The following TRAPPC10 variants were observed in gnomAD, a reference collection of about 807,000 sequenced individuals.
TRAPPC10 encodes the protein trafficking protein particle complex subunit 10.
Under a neutral mutation model 125.5 loss-of-function variants are expected in TRAPPC10, and 23 were observed. The ratio of observed to expected loss-of-function variants is 0.18; its 90% CI spans 0.13 to 0.26. The LOEUF (loss-of-function observed/expected upper bound fraction) is 0.26. TRAPPC10 is among the 10% of genes least tolerant of loss of function. The probability of loss-of-function intolerance (pLI) is 1.00; values close to 1 mark genes in which losing one functional copy is unlikely to be tolerated. For missense variants in TRAPPC10, 1,123 were observed against 1,308.4 expected, an observed-to-expected ratio of 0.86 and a Z score of 2.19; for synonymous variants, 509 against 518.0, an observed-to-expected ratio of 0.98 and a Z score of 0.24.
chr21:44,093,134 T>C lies in TRAPPC10; in HGVS notation c.2998-929T>C, dbSNP rs184454482. On this transcript the variant is annotated intron_variant, in intron 19 of 22. Coordinates refer to ENST00000291574, the MANE Select transcript of TRAPPC10 (RefSeq NM_003274.5). ...TTAATTAATTGATGATATATTCCCC[T>C]GTTTTGGAGCTGCATGGGATATGCT... Among the ~76,000 whole-genome samples, 9 of 152,314 alleles carry C rather than the reference T, an allele frequency of 5.9e-5. No individual in the cohort carries two copies. The East Asian group carries it at 1.7e-3, about 29-fold the overall frequency.
chr21:44,087,747 C>T lies in TRAPPC10; in HGVS notation c.2588C>T (p.Thr863Met), dbSNP rs369685888. The T allele has an allele frequency of 1.2e-5, 19 of 1,614,046 alleles. No homozygotes were observed. The highest frequency in any genetic ancestry group is 4.0e-5 in the African/African-American group (3 of 74,934). The change falls in exon 17 of 23, where the codon ACG becomes ATG. Residue 863 changes from threonine to methionine, a missense_variant. By Grantham distance (81) the Thr-to-Met change is moderately conservative. Coordinates refer to ENST00000291574, the MANE Select transcript of TRAPPC10 (RefSeq NM_003274.5). This position sits in a 1 kb window ranked among gnomAD's most constrained non-coding sequence, Gnocchi z 4.6. ...ALRIQSSDKV[T>M]SISLPVAPAY... Reference sequence around the variant, plus strand: ...CGGATTCAGTCCTCCGACAAGGTCACGAGCATCAGTCTGCCTGTTGCGCCT... The same window carrying T: ...CGGATTCAGTCCTCCGACAAGGTCATGAGCATCAGTCTGCCTGTTGCGCCT...
chr21:44,012,521 C>G lies in TRAPPC10; in HGVS notation c.28C>G (p.Pro10Ala), dbSNP rs768752595. MDASEEPLP[P>A]VIYTMENKPI... ...GGACGCCTCTGAGGAGCCGCTGCCGCCGGTGATCTACACCATGGAGAACAA... is the reference window on the plus strand; with the variant it reads ...GGACGCCTCTGAGGAGCCGCTGCCGGCGGTGATCTACACCATGGAGAACAA... Residue 10 changes from proline (P) to alanine (A), a missense_variant, in exon 1 of 23, where the codon CCG (proline) becomes GCG (alanine). By Grantham distance (27) the Pro-to-Ala change is conservative. This residue lies in a region of TRAPPC10 where 177 missense variants were observed against 228.9 expected (regional missense o/e 0.77). Transcript: ENST00000291574. 8.7e-5 allele frequency: 132 copies of G among 1,515,492 alleles called. 3 individuals carry two copies. The South Asian group carries it at 1.5e-3, about 18-fold the overall frequency. 93.9% of individuals were successfully genotyped at this position (1,515,492 alleles called of 1,614,324 possible). A position where few individuals can be genotyped will look rare whatever the true frequency, so the allele number is the denominator to read the frequency against.
chr21:44,085,542 A>G (rs2038066151), intron 15 of TRAPPC10, among the ~76,000 whole-genome samples: 1 of 152,038 alleles, frequency 6.6e-6, no homozygotes. Flanking sequence ...AATGAAGTAA[A>G]TTAGCTGGGT....
chr21:44,033,295 G>A (rs1200065768), intron 2 of TRAPPC10, among the ~76,000 whole-genome samples: 1 of 152,172 alleles, frequency 6.6e-6, no homozygotes, highest in East Asian at 1.9e-4. Flanking sequence ...GGATTAAGGT[G>A]GCTTTCTGGA....
At chr21:44,018,991 C>T (rs936184031) in intron 1 of TRAPPC10, among the ~76,000 whole-genome samples, 1 of 152,170 alleles carries the variant, frequency 6.6e-6, no homozygotes, top group Non-Finnish European at 1.5e-5. Flanking sequence ...CCCTCCCACC[C>T]CCGTGCTCCA....
chr21:44,051,067 C>T (rs867727032), intron 3 of TRAPPC10, among the ~76,000 whole-genome samples: 1 of 152,204 alleles, frequency 6.6e-6, no homozygotes, highest in Non-Finnish European at 1.5e-5. Context: ...CCATGCCCGG[C>T]TAATCTTTCC....
intron 12 of TRAPPC10, 70 bp downstream of exon 12, chr21:44,079,774 A>G (rs187249977): frequency 3.3e-5 from 50 of 1,514,228 alleles, no homozygotes; most frequent in East Asian, 4.7e-5. Flanking sequence ...CCCACAATCA[A>G]TGTTTCATTC....
chr21:44,025,358 G>A (rs1313280425), intron 1 of TRAPPC10, among the ~76,000 whole-genome samples: 1 of 152,242 alleles, frequency 6.6e-6, no homozygotes, highest in Non-Finnish European at 1.5e-5. Context: ...AGGCATTGGG[G>A]TGCCAGGAAC....
At chr21:44,085,563 G>A (rs943540310) in intron 15 of TRAPPC10, among the ~76,000 whole-genome samples, 6 of 152,086 alleles carry the variant, frequency 3.9e-5, no homozygotes, top group African/African-American at 9.7e-5. Context: ...GTAGTCGTGC[G>A]CCACGGCCTC....
intron 3 of TRAPPC10, among the ~76,000 whole-genome samples, chr21:44,043,749 G>A (rs2034579644): frequency 6.6e-6 from 1 of 152,204 alleles, no homozygotes; most frequent in African/African-American, 2.4e-5. Context: ...AAGCAACACT[G>A]TGATACTTGA....
At chr21:44,080,595 T>C (rs2037628309) in intron 13 of TRAPPC10, among the ~76,000 whole-genome samples, 1 of 151,996 alleles carries the variant, frequency 6.6e-6, no homozygotes, top group African/African-American at 2.4e-5. Context: ...TGTAGTGCAA[T>C]GGTGCCATCT....
rs1050850864 is a variant in TRAPPC10 at position 44,023,217 on chromosome 21, A to G, written c.68-8874A>G. On this transcript the variant is annotated intron_variant, in intron 1 of 22. Coordinates refer to ENST00000291574, the MANE Select transcript of TRAPPC10 (RefSeq NM_003274.5). ...CGGGCTAATTTTTTGTATTTTTAGT[A>G]GAGATGGGGTTTCACCGTGTTAGCC... Among the ~76,000 whole-genome samples, 56 of 151,262 alleles carry G rather than the reference A, an allele frequency of 3.7e-4. 1 individual carries two copies. Among genetic ancestry groups the G allele is most frequent in the Admixed American group, 3.4e-3 (52 of 15,174 alleles).
intron 20 of TRAPPC10, among the ~76,000 whole-genome samples, chr21:44,094,845 C>G (rs2038819078): frequency 6.6e-6 from 1 of 152,068 alleles, no homozygotes. Context: ...AATTATCAAA[C>G]AATGTTTATT....
chr21:44,076,062 A>AT (rs1569200533), intron 9 of TRAPPC10, among the ~76,000 whole-genome samples: 2 of 150,080 alleles, frequency 1.3e-5, no homozygotes, highest in Non-Finnish European at 1.5e-5. Flanking sequence ...AAAAAAAAAA[A>AT]TTCTCCTGGA....
Position 44,059,022 on chromosome 21 carries a change from T to TTGTAA in TRAPPC10, c.679-81_679-80insTGTAA, listed in dbSNP as rs1336359865. 4 of 874,446 alleles carry TTGTAA rather than the reference T, an allele frequency of 4.6e-6. No homozygotes were observed. The highest frequency in any genetic ancestry group is 6.9e-5 in the African/African-American group (2 of 29,110). The allele number at this position is 874,446 out of a possible 1,614,324, so 54.2% of individuals were successfully genotyped here. On this transcript the variant is annotated intron_variant, in intron 5 of 22. Transcript: ENST00000291574. This position sits in a 1 kb window ranked among gnomAD's most constrained non-coding sequence, Gnocchi z 4.4. The stretch of plus-strand genomic sequence containing the variant: ...TCATAGTGCTGCGTGCCTTTCTCTG[T>TTGTAA]CGTTTAATGGCTACATACTGTTTCT...
At chr21:44,021,560 C>A (rs1818875977) in intron 1 of TRAPPC10, among the ~76,000 whole-genome samples, 1 of 152,236 alleles carries the variant, frequency 6.6e-6, no homozygotes, top group African/African-American at 2.4e-5. Flanking sequence ...TCTTGCTTCT[C>A]TATACCCCTC....
chr21:44,012,894 T>G (rs1044255333), intron 1 of TRAPPC10, among the ~76,000 whole-genome samples: 2 of 151,774 alleles, frequency 1.3e-5, no homozygotes, highest in Admixed American at 1.3e-4. Context: ...CCCGCCCCCG[T>G]TGAGCCGCGC....
In TRAPPC10 at chr21:44,087,238, G is replaced by A. The variant is rs981116336; in HGVS notation, c.2539+278G>A. Among the ~76,000 whole-genome samples the A allele has an allele frequency of 6.6e-6, 1 of 152,210 alleles. No homozygotes were observed. Among genetic ancestry groups the A allele is most frequent in the Non-Finnish European group, 1.5e-5 (1 of 68,026 alleles). On this transcript the variant is annotated intron_variant, in intron 16 of 22. Transcript: ENST00000291574. The surrounding 1 kb of genome is among the most constrained non-coding windows in gnomAD (Gnocchi z 4.6). ...GGCTGGGGTCACGTTCCATGGTGAT[G>A]CCTGCCAGACCCTGTCCCCCTTGGG...
At chr21:44,012,681 G>C (rs1229650230) in intron 1 of TRAPPC10, 121 bp downstream of exon 1, 3 of 862,238 alleles carry the variant, frequency 3.5e-6, no homozygotes, top group Admixed American at 2.7e-5. Context: ...CCGCTTCCTG[G>C]AGGTGTGACC....
Sources: gnomAD v4.1 joint callset for allele counts (sites outside exome capture counted in the v4.1 genomes callset) on GRCh38, gnomAD v4.1.1 for gene constraint, gnomAD v4.1.1 regional missense constraint, Gnocchi (gnomAD v3.1) non-coding constraint, MANE v1.5 for transcripts, NCBI Gene and HGNC (gene_info 2026-07-23, HGNC 2026-07-21) for gene names.